Variants in HUNK observed in about 807,000 individuals in gnomAD.
HUNK encodes hormonally up-regulated neu tumor-associated kinase.
A neutral mutation model predicts 61.0 loss-of-function variants in HUNK; 21 were observed. The observed-to-expected ratio is 0.34, with a 90% confidence interval of 0.24 to 0.50. The LOEUF is 0.50. Among genes scored for constraint, HUNK ranks in the 20% least tolerant of loss-of-function variants. The pLI is 0.98. For synonymous variants in HUNK, 371 were observed against 386.1 expected (o/e 0.96, Z 0.46); for missense variants, 772 against 945.7 (o/e 0.82, Z 2.41).
At chr21:31,877,925 C>T (rs545395680) in intron 1 of HUNK, among the ~76,000 whole-genome samples, 11 of 152,158 alleles carry the variant, frequency 7.2e-5, no homozygotes, top group Non-Finnish European at 1.0e-4. Flanking sequence ...TATCATCTGT[C>T]GACAGAATAA....
Position 32,003,526 on chromosome 21 carries a change from T to C in HUNK, c.*4342T>C, listed in dbSNP as rs1297004269. 1 of 152,172 alleles carries C rather than the reference T, an allele frequency of 6.6e-6. No homozygotes were observed. The highest frequency in any genetic ancestry group is 2.4e-5 in the African/African-American group (1 of 41,444). 9.4% of individuals were successfully genotyped at this position (152,172 alleles called of 1,614,324 possible). A position where few individuals can be genotyped will look rare whatever the true frequency, so the allele number is the denominator to read the frequency against. Reference sequence around the variant, plus strand: ...CTGTTGGTTAGTGTATTTATTTTCTTTGTGGGGTCTTCTGTGAGCTACAGG... The same window carrying C: ...CTGTTGGTTAGTGTATTTATTTTCTCTGTGGGGTCTTCTGTGAGCTACAGG... On this transcript the variant is annotated 3_prime_UTR_variant, in exon 11 of 11. Transcript: ENST00000270112.
intron 1 of HUNK, among the ~76,000 whole-genome samples, chr21:31,914,370 T>C (rs537877048): frequency 1.5e-5 from 2 of 136,436 alleles, no homozygotes; most frequent in Non-Finnish European, 3.0e-5. Context: ...ATCTTGCCAT[T>C]GTACTCCAGC....
At chr21:31,914,964 C>T (rs938597000) in intron 1 of HUNK, among the ~76,000 whole-genome samples, 4 of 152,142 alleles carry the variant, frequency 2.6e-5, no homozygotes, top group Non-Finnish European at 4.4e-5. Flanking sequence ...CTCCCCTCCC[C>T]GACAAATGGT....
chr21:31,994,165 T>C (rs1480010132), intron 9 of HUNK, among the ~76,000 whole-genome samples: 1 of 152,194 alleles, frequency 6.6e-6, no homozygotes, highest in African/African-American at 2.4e-5. Flanking sequence ...TGGTGGCAGC[T>C]GTGAAGGTGC....
intron 1 of HUNK, among the ~76,000 whole-genome samples, chr21:31,917,595 T>G (rs529161495): frequency 1.3e-5 from 2 of 152,040 alleles, no homozygotes; most frequent in African/African-American, 4.8e-5. Context: ...GATCTGTTGA[T>G]GAGTCTCGGT....
intron 3 of HUNK, among the ~76,000 whole-genome samples, chr21:31,940,528 T>G (rs2052762252): frequency 6.6e-6 from 1 of 152,240 alleles, no homozygotes; most frequent in Admixed American, 6.5e-5. Flanking sequence ...TTCCCATAGC[T>G]TCGCCATATC....
intron 1 of HUNK, among the ~76,000 whole-genome samples, chr21:31,909,644 A>G (rs763358123): frequency 9.9e-5 from 15 of 152,252 alleles, no homozygotes; most frequent in Non-Finnish European, 2.1e-4. Flanking sequence ...GCCCTGCTAC[A>G]TAAATAGCAG....
chr21:31,976,671 T>C (rs987969433), intron 7 of HUNK, among the ~76,000 whole-genome samples: 2 of 151,934 alleles, frequency 1.3e-5, no homozygotes, highest in Non-Finnish European at 2.9e-5. Context: ...TTTGCCATAT[T>C]GGCCAGGCTG....
intron 1 of HUNK, among the ~76,000 whole-genome samples, chr21:31,898,555 C>T (rs753893648): frequency 2.0e-5 from 3 of 152,222 alleles, no homozygotes; most frequent in African/African-American, 4.8e-5. Context: ...GCATGAGCCA[C>T]CACGCCCGGC....
At chr21:31,959,104 T>A in intron 5 of HUNK, 134 bp downstream of exon 5, 1 of 914,508 alleles carries the variant, frequency 1.1e-6, no homozygotes, top group Non-Finnish European at 1.5e-6. Context: ...TTTCTAGTGT[T>A]AAATAGAAGT....
At chr21:31,913,108 G>A (rs1454891989) in intron 1 of HUNK, among the ~76,000 whole-genome samples, 1 of 152,288 alleles carries the variant, frequency 6.6e-6, no homozygotes, top group East Asian at 1.9e-4. Context: ...CTAGGGTGCT[G>A]GGAGGTCAGA....
chr21:31,985,316 GC>G (rs1404918462), intron 8 of HUNK, among the ~76,000 whole-genome samples: 2 of 152,258 alleles, frequency 1.3e-5, no homozygotes, highest in Non-Finnish European at 2.9e-5. Flanking sequence ...CATGAGCGGT[GC>G]ACATCGCTCT....
Position 31,946,231 on chromosome 21 carries a change from T to C in HUNK, c.746+60T>C. 3.9e-6 allele frequency: 6 copies of C among 1,536,706 alleles called. No homozygotes were observed. The South Asian group carries it at 7.1e-5, about 18-fold the overall frequency. On this transcript the variant is annotated intron_variant, in intron 4 of 10. Transcript: ENST00000270112. ...CCTGCTGTCTCCACCGTGCCTTCCT[T>C]ATGAAATCATGCCTGAGTATTGGAT...
chr21:31,978,902 A>G (rs1361001029), intron 7 of HUNK, among the ~76,000 whole-genome samples: 2 of 152,102 alleles, frequency 1.3e-5, no homozygotes, highest in Non-Finnish European at 2.9e-5. Context: ...TTGAGGATCC[A>G]TACTGATTTC....
intron 1 of HUNK, among the ~76,000 whole-genome samples, chr21:31,893,643 G>A (rs952016606): frequency 5.9e-5 from 9 of 152,128 alleles, no homozygotes; most frequent in East Asian, 1.9e-4. Flanking sequence ...GCCACTGAGC[G>A]TCCTTTAACA....
intron 10 of HUNK, among the ~76,000 whole-genome samples, chr21:31,997,153 T>A (rs1202722004): frequency 6.6e-6 from 1 of 152,250 alleles, no homozygotes; most frequent in Non-Finnish European, 1.5e-5. Context: ...TAAAACGTTA[T>A]GGGAGAAGAA....
At chr21:31,904,118 G>C (rs535017475) in intron 1 of HUNK, among the ~76,000 whole-genome samples, 12 of 151,622 alleles carry the variant, frequency 7.9e-5, no homozygotes, top group Non-Finnish European at 1.5e-4. Flanking sequence ...ATTAGTCTCG[G>C]TTCTCCATCT....
intron 1 of HUNK, among the ~76,000 whole-genome samples, chr21:31,920,360 T>C (rs1253952831): frequency 6.6e-6 from 1 of 152,218 alleles, no homozygotes; most frequent in Non-Finnish European, 1.5e-5. Flanking sequence ...GTACAGGCAA[T>C]TGAAGAACTC....
intron 2 of HUNK, among the ~76,000 whole-genome samples, chr21:31,932,986 C>G (rs1429008120): frequency 6.7e-6 from 1 of 149,962 alleles, no homozygotes; most frequent in African/African-American, 2.5e-5. Context: ...AATCTCGGCT[C>G]TCTGCACCTC....
Sources: gnomAD v4.1 joint callset for allele counts (sites outside exome capture counted in the v4.1 genomes callset) on GRCh38, gnomAD v4.1.1 for gene constraint, MANE v1.5 for transcripts, NCBI Gene and HGNC (gene_info 2026-07-23, HGNC 2026-07-21) for gene names.